Variants in GPHN observed in about 807,000 individuals in gnomAD.
GPHN encodes gephyrin.
Under a neutral mutation model 95.5 loss-of-function variants are expected in GPHN, and 17 were observed. The ratio of observed to expected loss-of-function variants is 0.18; its 90% CI spans 0.12 to 0.27. The LOEUF is 0.27. GPHN is among the 10% of genes least tolerant of loss of function. The pLI, the probability that GPHN is intolerant of heterozygous loss-of-function variation, is 1.00. For synonymous variants in GPHN, 320 were observed against 322.5 expected (o/e 0.99, Z 0.08); for missense variants, 660 against 978.1 (o/e 0.67, Z 4.34).
At chr14:66,558,614 CATTCTT>C (rs1306816084) in intron 1 of GPHN, among the ~76,000 whole-genome samples, 7 of 151,942 alleles carry the variant, frequency 4.6e-5, no homozygotes, top group Non-Finnish European at 8.8e-5. Context: ...TGTTTTAAGT[CATTCTT>C]ACTTTACTTT....
the GPHN span, among the ~76,000 whole-genome samples, chr14:67,224,396 C>G: frequency 5.3e-4 from 81 of 151,816 alleles, no homozygotes; most frequent in South Asian, 2.7e-3. Context: ...GTAGCTGGGA[C>G]TACAGATGCG....
intron 2 of GPHN, among the ~76,000 whole-genome samples, chr14:66,696,199 G>A (rs750854336): frequency 9.2e-5 from 14 of 152,160 alleles, no homozygotes; most frequent in Non-Finnish European, 1.9e-4. Context: ...ATGCAGATTT[G>A]TGGTTATCTC....
intron 1 of GPHN, 29 bp downstream of exon 1, chr14:66,508,620 T>C (rs1165287932): frequency 1.3e-6 from 2 of 1,571,466 alleles, no homozygotes; most frequent in African/African-American, 1.3e-5. Flanking sequence ...CTGGGACCTA[T>C]GAGGCTGCTG....
At chr14:66,985,330 C>CT (rs1261444701) in intron 9 of GPHN, among the ~76,000 whole-genome samples, 3 of 152,112 alleles carry the variant, frequency 2.0e-5, no homozygotes, top group Non-Finnish European at 4.4e-5. Context: ...CACTAAAACA[C>CT]TAAGAGAGAA....
intron 1 of GPHN, among the ~76,000 whole-genome samples, chr14:66,668,782 T>A (rs1184844384): frequency 6.6e-6 from 1 of 152,076 alleles, no homozygotes; most frequent in African/African-American, 2.4e-5. Context: ...CTTGTACCCG[T>A]GAACTTAAAA....
the GPHN span, chr14:67,473,266 GC>G: frequency 9.6e-7 from 1 of 1,040,040 alleles, no homozygotes; most frequent in African/African-American, 1.6e-5. The surrounding 1 kb of genome is among the most constrained non-coding windows in gnomAD (Gnocchi z 6.5). Context: ...CCCAACACCG[GC>G]CCCCGCGGAC....
At chr14:66,939,718 C>T (rs1049679192) in intron 8 of GPHN, among the ~76,000 whole-genome samples, 7 of 152,192 alleles carry the variant, frequency 4.6e-5, no homozygotes, top group Non-Finnish European at 7.3e-5. Flanking sequence ...TGAAGACATA[C>T]ATTTAACTGC....
chr14:67,589,905 G>A, the GPHN span: 62 of 1,269,286 alleles, frequency 4.9e-5, no homozygotes, highest in East Asian at 2.4e-4. Context: ...TATAATACAC[G>A]GAAATATACT....
At position 66,525,444 on chromosome 14, in the gene GPHN, C is replaced by T. The variant is rs1000328632; in HGVS notation, c.64+16853C>T. Among the ~76,000 whole-genome samples, 8 of 152,166 alleles carry T rather than the reference C, an allele frequency of 5.3e-5. No homozygotes were observed. In the East Asian group the frequency reaches 5.8e-4, roughly 11 times the overall value. On this transcript the variant is annotated intron_variant, in intron 1 of 22. Transcript: ENST00000478722. The stretch of plus-strand genomic sequence containing the variant: ...AAACTTTCTCCCATTCTGTAGGTTG[C>T]CTGTTCACTCTGATGGTAGTTTCTT...
At chr14:67,538,603 C>T in the GPHN span, among the ~76,000 whole-genome samples, 1 of 152,086 alleles carries the variant, frequency 6.6e-6, no homozygotes, top group Non-Finnish European at 1.5e-5. Context: ...TTGCTCTGAC[C>T]ACCTGCTTCT....
chr14:66,735,268 G>A (rs1193222200), intron 2 of GPHN, among the ~76,000 whole-genome samples: 1 of 152,064 alleles, frequency 6.6e-6, no homozygotes, highest in South Asian at 2.1e-4. Flanking sequence ...AAGGTAGTTC[G>A]CAGTTTCAGT....
At chr14:67,100,084 T>C (rs2077612767) in intron 12 of GPHN, among the ~76,000 whole-genome samples, 1 of 152,204 alleles carries the variant, frequency 6.6e-6, no homozygotes, top group African/African-American at 2.4e-5. Flanking sequence ...TATGGAATTT[T>C]TTTTTTCAAT....
chr14:66,749,250 G>A (rs767296973), intron 2 of GPHN, among the ~76,000 whole-genome samples: 8 of 151,920 alleles, frequency 5.3e-5, no homozygotes, highest in African/African-American at 1.2e-4. Flanking sequence ...ACCTACTGAA[G>A]GACATCTTCG....
At chr14:67,191,823 C>G in the GPHN span, among the ~76,000 whole-genome samples, 1 of 152,172 alleles carries the variant, frequency 6.6e-6, no homozygotes, top group Admixed American at 6.5e-5. Context: ...GATCTGTAAT[C>G]AGATTTAATA....
intron 1 of GPHN, among the ~76,000 whole-genome samples, chr14:66,607,316 C>T (rs184346906): frequency 2.5e-4 from 38 of 152,002 alleles, no homozygotes; most frequent in Non-Finnish European, 4.9e-4. Context: ...TCCAAGAATA[C>T]AGCCTACTCG....
At chr14:66,687,270 A>G (rs2067435829) in intron 2 of GPHN, among the ~76,000 whole-genome samples, 1 of 152,054 alleles carries the variant, frequency 6.6e-6, no homozygotes, top group African/African-American at 2.4e-5. Context: ...CCTAATAGAC[A>G]TCTACAGAAC....
chr14:66,776,547 A>G (rs1023288407), intron 3 of GPHN, 26 bp downstream of exon 3: 16 of 1,346,034 alleles, frequency 1.2e-5, no homozygotes, highest in Admixed American at 6.7e-5. Context: ...TTTCACCTCT[A>G]CAAACATTTA....
intron 5 of GPHN, among the ~76,000 whole-genome samples, chr14:66,894,062 C>G (rs1165547150): frequency 6.6e-6 from 1 of 152,140 alleles, no homozygotes; most frequent in African/African-American, 2.4e-5. Flanking sequence ...CCAAGACAAT[C>G]CTCAGCCAAA....
At chr14:67,246,690 C>G in the GPHN span, among the ~76,000 whole-genome samples, 26 of 124,402 alleles carry the variant, frequency 2.1e-4, no homozygotes, top group Admixed American at 1.0e-4. Flanking sequence ...CTTGCTCTCT[C>G]GCCAGGCTGG....
Sources: gnomAD v4.1 joint callset for allele counts (sites outside exome capture counted in the v4.1 genomes callset) on GRCh38, gnomAD v4.1.1 for gene constraint, Gnocchi (gnomAD v3.1) non-coding constraint, MANE v1.5 for transcripts, NCBI Gene and HGNC (gene_info 2026-07-23, HGNC 2026-07-21) for gene names.